Variants in STK32A observed in about 807,000 individuals in gnomAD.
STK32A encodes the protein serine/threonine kinase 32A, also known as serine/threonine-protein kinase 32A.
In STK32A, 41 loss-of-function variants were observed where a neutral mutation model predicts 53.2. The observed-to-expected ratio is 0.77, with a 90% confidence interval of 0.60 to 1.00. STK32A has a LOEUF of 1.00. Among genes scored for constraint, STK32A ranks in the 50% least tolerant of loss-of-function variants. The pLI, the probability that STK32A is intolerant of heterozygous loss-of-function variation, is 0.00. For missense variants in STK32A, 458 were observed against 485.8 expected, an observed-to-expected ratio of 0.94 and a Z score of 0.54; for synonymous variants, 166 against 162.8, an observed-to-expected ratio of 1.02 and a Z score of -0.15.
intron 2 of STK32A, among the ~76,000 whole-genome samples, chr5:147,274,534 A>G (rs1034516362): frequency 3.2e-4 from 48 of 152,308 alleles, no homozygotes; most frequent in African/African-American, 1.1e-3. Context: ...CACACCAGAG[A>G]CTATGAAAAC....
intron 1 of STK32A, 33 bp from the exon 2 acceptor site, chr5:147,239,506 A>AT: frequency 1.5e-6 from 1 of 681,680 alleles, no homozygotes; most frequent in Non-Finnish European, 2.5e-6. Context: ...AGTATAGCAT[A>AT]TTATTAGGGT....
chr5:147,394,009 T>C, the STK32A span: 1 of 1,611,570 alleles, frequency 6.2e-7, no homozygotes, highest in Non-Finnish European at 8.5e-7. Context: ...TTCTTGCTTC[T>C]GCCCCTCTCT....
chr5:147,250,785 CA>C (rs34480987), intron 2 of STK32A, among the ~76,000 whole-genome samples: 36,660 of 151,172 alleles, frequency 0.24, 4,481 homozygotes, highest in Admixed American at 0.3. Flanking sequence ...ACTAAAAATA[CA>C]AAAAAATTAG....
At chr5:147,317,159 AAAT>A (rs1412511162) in intron 4 of STK32A, among the ~76,000 whole-genome samples, 2 of 151,586 alleles carry the variant, frequency 1.3e-5, no homozygotes, top group East Asian at 1.9e-4. Flanking sequence ...AAAAAAAAAA[AAAT>A]CTAACCTAAA....
At chr5:147,334,508 C>G (rs1160341172) in intron 5 of STK32A, among the ~76,000 whole-genome samples, 1 of 152,136 alleles carries the variant, frequency 6.6e-6, no homozygotes, top group Non-Finnish European at 1.5e-5. Flanking sequence ...GGAGTCCTGA[C>G]TTTTTCCATA....
chr5:147,295,198 T>C (rs973766460), intron 4 of STK32A, among the ~76,000 whole-genome samples: 1 of 152,208 alleles, frequency 6.6e-6, no homozygotes. Context: ...AACTCAGACA[T>C]TTTATGGTTA....
intron 4 of STK32A, among the ~76,000 whole-genome samples, chr5:147,313,776 A>C (rs1371576068): frequency 1.3e-5 from 2 of 152,238 alleles, no homozygotes; most frequent in Non-Finnish European, 2.9e-5. Flanking sequence ...TCATATTTCC[A>C]GTCAATTGAC....
chr5:147,283,231 A>G (rs765971063), intron 4 of STK32A, among the ~76,000 whole-genome samples: 2 of 152,194 alleles, frequency 1.3e-5, no homozygotes, highest in African/African-American at 2.4e-5. Context: ...AAATTTAAAA[A>G]TTCTTCAAAC....
chr5:147,384,395 A>G lies in STK32A; in HGVS notation c.*412A>G, dbSNP rs1757570214. The G allele has an allele frequency of 6.5e-7, 1 of 1,534,218 alleles. No individual in the cohort carries two copies. Among genetic ancestry groups the G allele is most frequent in the African/African-American group, 1.4e-5 (1 of 72,998 alleles). On this transcript the variant is annotated 3_prime_UTR_variant, in exon 13 of 13. Coordinates refer to ENST00000397936, the MANE Select transcript of STK32A (RefSeq NM_001112724.2). ...TGCAGTGACAAATGGACAAATGGAC[A>G]CAGGACTCAGTGAGACTTTTCAGAC...
intron 2 of STK32A, among the ~76,000 whole-genome samples, chr5:147,252,173 T>C (rs1465329948): frequency 1.3e-5 from 2 of 152,174 alleles, no homozygotes; most frequent in African/African-American, 4.8e-5. Context: ...ATTTATTTCA[T>C]CATCATTGTC....
intron 8 of STK32A, among the ~76,000 whole-genome samples, chr5:147,367,165 A>G (rs896559425): frequency 1.3e-5 from 2 of 151,628 alleles, no homozygotes; most frequent in African/African-American, 4.9e-5. Flanking sequence ...TCCTCTGTCC[A>G]ATCAACCCTC....
chr5:147,270,975 A>G (rs6866487), intron 2 of STK32A, among the ~76,000 whole-genome samples: 52,089 of 151,180 alleles, frequency 0.34, 9,362 homozygotes, highest in Admixed American at 0.4. Context: ...AAGAATGCTC[A>G]AAGTAGTTTT....
chr5:147,248,415 T>C (rs1171191744), intron 2 of STK32A, among the ~76,000 whole-genome samples: 1 of 152,156 alleles, frequency 6.6e-6, no homozygotes, highest in Non-Finnish European at 1.5e-5. Flanking sequence ...ATCTAGTGTG[T>C]TTGAGGGTAA....
intron 2 of STK32A, among the ~76,000 whole-genome samples, chr5:147,272,435 C>T (rs573142480): frequency 3.9e-5 from 6 of 152,302 alleles, no homozygotes; most frequent in African/African-American, 9.6e-5. Context: ...TTTTATGGTA[C>T]ATTTACACAA....
intron 11 of STK32A, among the ~76,000 whole-genome samples, chr5:147,381,269 C>T (rs527355931): frequency 1.2e-4 from 19 of 152,214 alleles, no homozygotes; most frequent in African/African-American, 3.6e-4. Context: ...GAAATCTGCC[C>T]GTCATCTTAT....
At chr5:147,400,821 C>T in the STK32A span, 2 of 1,613,662 alleles carry the variant, frequency 1.2e-6, no homozygotes, top group Non-Finnish European at 1.7e-6. Flanking sequence ...TCCCAGATAG[C>T]TGCAGATCCC....
At chr5:147,297,148 G>GTTGGA (rs1752905427) in intron 4 of STK32A, among the ~76,000 whole-genome samples, 1 of 152,154 alleles carries the variant, frequency 6.6e-6, no homozygotes, top group South Asian at 2.1e-4. Flanking sequence ...TGGCAAAGTA[G>GTTGGA]TCCTCACAAG....
intron 7 of STK32A, among the ~76,000 whole-genome samples, chr5:147,352,342 T>C (rs1471019920): frequency 2.0e-5 from 3 of 152,206 alleles, no homozygotes; most frequent in African/African-American, 7.2e-5. Context: ...AATTCAGCAT[T>C]TACTAAGGGG....
intron 4 of STK32A, among the ~76,000 whole-genome samples, chr5:147,297,750 G>C (rs1752932780): frequency 6.6e-6 from 1 of 152,112 alleles, no homozygotes; most frequent in African/African-American, 2.4e-5. Context: ...GGCCAAGGCG[G>C]GTGAATCACT....
Sources: allele counts gnomAD v4.1 joint callset (sites outside exome capture counted in the v4.1 genomes callset), GRCh38; gene constraint gnomAD v4.1.1; transcripts MANE v1.5; gene names NCBI Gene and HGNC (gene_info 2026-07-23, HGNC 2026-07-21).